Variants in PDZRN3 observed in about 807,000 individuals in gnomAD.
The protein encoded by PDZRN3 is E3 ubiquitin-protein ligase PDZRN3.
In PDZRN3, 38 loss-of-function variants were observed where a neutral mutation model predicts 85.7. The ratio of observed to expected loss-of-function variants is 0.44; its 90% CI spans 0.34 to 0.58. The LOEUF (loss-of-function observed/expected upper bound fraction) is 0.58, where lower values mean the gene tolerates loss of function less well. Ranked by LOEUF, PDZRN3 falls within the 20% of genes least tolerant of loss-of-function variation. The pLI, the probability that PDZRN3 is intolerant of heterozygous loss-of-function variation, is 0.01. For synonymous variants in PDZRN3, 759 were observed against 638.0 expected (o/e 1.19, Z -2.86); for missense variants, 1,629 against 1,506.4 (o/e 1.08, Z -1.35).
At chr3:73,512,416 AC>A (rs1704183622) in intron 3 of PDZRN3, among the ~76,000 whole-genome samples, 3 of 152,238 alleles carry the variant, frequency 2.0e-5, no homozygotes, top group Non-Finnish European at 4.4e-5. Context: ...CGTACACGCT[AC>A]TAGGCATCCA....
intron 7 of PDZRN3, among the ~76,000 whole-genome samples, chr3:73,388,724 T>C (rs7647488): frequency 0.75 from 113,349 of 151,574 alleles, 43,005 homozygotes; most frequent in African/African-American, 0.88. Context: ...GAGGCTTCCA[T>C]ATGCCTCCTT....
chr3:73,452,006 A>G (rs184960745), intron 3 of PDZRN3, among the ~76,000 whole-genome samples: 118 of 152,250 alleles, frequency 7.8e-4, no homozygotes, highest in African/African-American at 2.8e-3. Context: ...ACAGAATCGA[A>G]TCTTTACTAA....
chr3:73,448,430 G>A (rs1165397267), intron 3 of PDZRN3, among the ~76,000 whole-genome samples: 1 of 152,114 alleles, frequency 6.6e-6, no homozygotes, highest in Non-Finnish European at 1.5e-5. Context: ...CTGAACCCTA[G>A]TTCCATCCCT....
intron 3 of PDZRN3, among the ~76,000 whole-genome samples, chr3:73,525,105 G>A (rs1383388104): frequency 6.6e-6 from 1 of 151,372 alleles, no homozygotes; most frequent in Non-Finnish European, 1.5e-5. Flanking sequence ...GGTCTGGGTA[G>A]GTACTAGCAG....
intron 5 of PDZRN3, among the ~76,000 whole-genome samples, chr3:73,394,116 A>G (rs1701587644): frequency 6.6e-6 from 1 of 152,222 alleles, no homozygotes; most frequent in African/African-American, 2.4e-5. Flanking sequence ...GAAGATATTC[A>G]AAACATTTAT....
At chr3:73,485,980 G>A (rs936688210) in intron 3 of PDZRN3, among the ~76,000 whole-genome samples, 1 of 152,230 alleles carries the variant, frequency 6.6e-6, no homozygotes, top group African/African-American at 2.4e-5. Flanking sequence ...ATTTCTTTAA[G>A]TGAATTTTAA....
At chr3:73,480,150 T>C (rs1053244791) in intron 3 of PDZRN3, among the ~76,000 whole-genome samples, 12 of 152,222 alleles carry the variant, frequency 7.9e-5, no homozygotes, top group African/African-American at 2.9e-4. Context: ...CCCTTGGCCA[T>C]TGTGACTACC....
chr3:73,502,947 T>A (rs1295117687), intron 3 of PDZRN3, among the ~76,000 whole-genome samples: 1 of 152,218 alleles, frequency 6.6e-6, no homozygotes, highest in Non-Finnish European at 1.5e-5. Context: ...ATCTGTTAAG[T>A]AAGAATTTGC....
intron 3 of PDZRN3, among the ~76,000 whole-genome samples, chr3:73,577,792 G>A (rs932242148): frequency 2.0e-5 from 3 of 152,164 alleles, no homozygotes; most frequent in African/African-American, 4.8e-5. Flanking sequence ...ATTGCTACTA[G>A]CCCAGTTACT....
At chr3:73,617,214 C>G (rs1050978570) in intron 1 of PDZRN3, among the ~76,000 whole-genome samples, 1 of 152,198 alleles carries the variant, frequency 6.6e-6, no homozygotes, top group African/African-American at 2.4e-5. Flanking sequence ...AGGCCTGCAA[C>G]ATACAAAGAT....
intron 3 of PDZRN3, among the ~76,000 whole-genome samples, chr3:73,567,504 CA>C (rs1201108462): frequency 6.6e-6 from 1 of 152,008 alleles, no homozygotes; most frequent in Non-Finnish European, 1.5e-5. Context: ...CAGATTTTAT[CA>C]ATTCTACTCA....
intron 3 of PDZRN3, among the ~76,000 whole-genome samples, chr3:73,501,597 T>C (rs895713813): frequency 6.6e-6 from 1 of 152,140 alleles, no homozygotes; most frequent in Non-Finnish European, 1.5e-5. Context: ...ATAATAATGT[T>C]GGAAAGAAGT....
At chr3:73,433,343 G>A (rs769978820) in intron 3 of PDZRN3, among the ~76,000 whole-genome samples, 3 of 152,162 alleles carry the variant, frequency 2.0e-5, no homozygotes, top group Non-Finnish European at 2.9e-5. Flanking sequence ...CTTTGAGTTC[G>A]ACACTCTGGA....
intron 3 of PDZRN3, chr3:73,433,829 G>T: frequency 6.8e-7 from 1 of 1,463,358 alleles, no homozygotes; most frequent in Non-Finnish European, 9.0e-7. Flanking sequence ...CGACTGCAAC[G>T]CTTCACATTG....
chr3:73,617,787 C>G (rs1317122925), intron 1 of PDZRN3, among the ~76,000 whole-genome samples: 1 of 152,158 alleles, frequency 6.6e-6, no homozygotes, highest in African/African-American at 2.4e-5. Context: ...CTCGCAGCAA[C>G]CTCTGCCTCC....
chr3:73,424,654 A>G (rs1702275363), intron 3 of PDZRN3, among the ~76,000 whole-genome samples: 1 of 152,066 alleles, frequency 6.6e-6, no homozygotes, highest in South Asian at 2.1e-4. Flanking sequence ...TCCAAATCCT[A>G]CAACCAGGGA....
intron 7 of PDZRN3, among the ~76,000 whole-genome samples, chr3:73,389,107 G>A (rs747253325): frequency 2.6e-5 from 4 of 152,082 alleles, no homozygotes; most frequent in Non-Finnish European, 5.9e-5. Context: ...GACCTGTGGT[G>A]AGGTATGCAA....
intron 3 of PDZRN3, among the ~76,000 whole-genome samples, chr3:73,565,325 TCAC>T (rs2106839535): frequency 6.6e-6 from 1 of 151,982 alleles, no homozygotes; most frequent in South Asian, 2.1e-4. Flanking sequence ...AGACGGGGTT[TCAC>T]TATTTTGGCC....
intron 3 of PDZRN3, among the ~76,000 whole-genome samples, chr3:73,599,759 C>T (rs938456635): frequency 2.0e-5 from 3 of 152,178 alleles, no homozygotes; most frequent in African/African-American, 7.2e-5. Flanking sequence ...CCATTCATGG[C>T]GCCTGGGCCA....
Sources: allele counts gnomAD v4.1 joint callset (sites outside exome capture counted in the v4.1 genomes callset), GRCh38; gene constraint gnomAD v4.1.1; transcripts MANE v1.5; gene names NCBI Gene and HGNC (gene_info 2026-07-23, HGNC 2026-07-21).